LTBP1: variants seen among roughly 807,000 people sequenced by gnomAD.
LTBP1 encodes latent-transforming growth factor beta-binding protein 1.
Under a neutral mutation model 207.6 loss-of-function variants are expected in LTBP1, and 129 were observed. The observed-to-expected ratio is 0.62, with a 90% CI of 0.54 to 0.72. The LOEUF is 0.72. Among genes scored for constraint, LTBP1 ranks in the 30% least tolerant of loss-of-function variants. The probability of loss-of-function intolerance (pLI) is 0.00; values close to 1 mark genes in which losing one functional copy is unlikely to be tolerated. For synonymous variants in LTBP1, 963 were observed against 833.7 expected (o/e 1.16, Z -2.67); for missense variants, 2,281 against 2,217.2 (o/e 1.03, Z -0.58).
At chr2:33,202,786 C>T (rs2089462123) in intron 7 of LTBP1, among the ~76,000 whole-genome samples, 1 of 152,172 alleles carries the variant, frequency 6.6e-6, no homozygotes, top group South Asian at 2.1e-4. Context: ...TGGATAGGGC[C>T]CTCCCAGGTG....
chr2:33,100,567 A>G (rs922569161), intron 3 of LTBP1, among the ~76,000 whole-genome samples: 6 of 151,946 alleles, frequency 3.9e-5, no homozygotes, highest in Admixed American at 2.6e-4. Context: ...AAAACTTGCC[A>G]TCTTAACCAT....
intron 3 of LTBP1, among the ~76,000 whole-genome samples, chr2:33,049,704 T>C (rs1293709442): frequency 6.6e-6 from 1 of 152,174 alleles, no homozygotes; most frequent in Non-Finnish European, 1.5e-5. Flanking sequence ...GTATAGACAG[T>C]GTAGTTTTAG....
Position 32,969,559 on chromosome 2 carries a change from A to C in LTBP1, c.565+20614A>C, listed in dbSNP as rs113062414. 3.8e-3 allele frequency among the ~76,000 whole-genome samples: 575 copies of C among 152,272 alleles called. 3 individuals carry two copies. Among genetic ancestry groups the C allele is most frequent in the African/African-American group, 0.013 (557 of 41,552 alleles). Reference sequence around the variant, plus strand: ...CTGTTACTGTATTAGTTCACTTAGGATAATGGCCACCAGCTCCATCCATGT... The same window carrying C: ...CTGTTACTGTATTAGTTCACTTAGGCTAATGGCCACCAGCTCCATCCATGT... On this transcript the variant is annotated intron_variant, in intron 2 of 33. Coordinates refer to ENST00000404816, the MANE Select transcript of LTBP1 (RefSeq NM_206943.4).
At chr2:33,136,795 C>A (rs534423335) in intron 5 of LTBP1, among the ~76,000 whole-genome samples, 1 of 152,298 alleles carries the variant, frequency 6.6e-6, no homozygotes, top group South Asian at 2.1e-4. Flanking sequence ...CTTGCTGGCA[C>A]TGAACCAGAT....
chr2:33,142,853 GAATA>G (rs2082743676), intron 5 of LTBP1, among the ~76,000 whole-genome samples: 1 of 152,208 alleles, frequency 6.6e-6, no homozygotes, highest in Non-Finnish European at 1.5e-5. Context: ...GGCCAGCCTG[GAATA>G]AATAACCTTT....
At chr2:33,335,784 T>C (rs1350084268) in intron 24 of LTBP1, among the ~76,000 whole-genome samples, 1 of 152,182 alleles carries the variant, frequency 6.6e-6, no homozygotes, top group Non-Finnish European at 1.5e-5. Context: ...CGGCTTCCAT[T>C]CCTTTCAGAA....
chr2:33,246,725 A>G (rs1021274645), intron 10 of LTBP1, among the ~76,000 whole-genome samples: 8 of 152,146 alleles, frequency 5.3e-5, no homozygotes, highest in Non-Finnish European at 1.5e-5. Context: ...TCTTGAATGC[A>G]CTGAACTGAG....
intron 31 of LTBP1, among the ~76,000 whole-genome samples, chr2:33,370,356 C>A (rs2095052033): frequency 6.6e-6 from 1 of 152,164 alleles, no homozygotes; most frequent in African/African-American, 2.4e-5. Context: ...TAGACCACTG[C>A]TTCGTAAACA....
chr2:33,153,850 A>G (rs113196028), intron 5 of LTBP1, among the ~76,000 whole-genome samples: 2,291 of 142,988 alleles, frequency 0.016, 24 homozygotes, highest in East Asian at 0.028. Flanking sequence ...TGTGCCAGAG[A>G]TCCACCCGGC....
Position 32,959,619 on chromosome 2 carries a change from A to ATTTTTTTTTTT in LTBP1, c.565+10675_565+10676insTTTTTTTTTTT, listed in dbSNP as rs1378144146. On this transcript the variant is annotated intron_variant, in intron 2 of 33. Transcript: ENST00000404816. Reference sequence around the variant, plus strand: ...CGTGTATATATATATATATATATATATATTTTTTTTTTTTTTTTTGAGATG... The same window carrying ATTTTTTTTTTT: ...CGTGTATATATATATATATATATATATTTTTTTTTTTTATTTTTTTTTTTTTTTTTGAGATG... Among the ~76,000 whole-genome samples the ATTTTTTTTTTT allele has an allele frequency of 3.9e-3, 185 of 48,018 alleles. 4 individuals are homozygous for ATTTTTTTTTTT. Among genetic ancestry groups the ATTTTTTTTTTT allele is most frequent in the East Asian group, 8.3e-3 (5 of 604 alleles). The allele number at this position is 48,018 out of a possible 152,430, so 31.5% of individuals were successfully genotyped here.
intron 3 of LTBP1, among the ~76,000 whole-genome samples, chr2:33,035,819 C>A (rs2075892487): frequency 6.6e-6 from 1 of 152,054 alleles, no homozygotes; most frequent in Admixed American, 6.5e-5. Flanking sequence ...ATTTACAACA[C>A]ACATATTTTA....
intron 15 of LTBP1, among the ~76,000 whole-genome samples, chr2:33,267,157 C>T (rs906862489): frequency 6.6e-6 from 1 of 152,262 alleles, no homozygotes. Context: ...GTGCCAGCAC[C>T]TGGAGCTGCC....
intron 4 of LTBP1, among the ~76,000 whole-genome samples, chr2:33,115,625 G>A (rs1023776511): frequency 6.6e-6 from 1 of 152,188 alleles, no homozygotes; most frequent in Non-Finnish European, 1.5e-5. Flanking sequence ...TAGGGATGGT[G>A]TGGGGTAGGG....
chr2:33,301,881 G>T (rs937087821), intron 22 of LTBP1, among the ~76,000 whole-genome samples: 19 of 152,176 alleles, frequency 1.2e-4, no homozygotes, highest in African/African-American at 4.6e-4. Context: ...AGGCATAAAA[G>T]AATCAGTTTA....
At position 33,188,635 on chromosome 2, in the gene LTBP1, C is replaced by G. The variant is rs776461528; in HGVS notation, c.1485C>G (p.Val495=). The change falls in exon 7 of 34, where the codon GTC becomes GTG. Residue 495 remains valine, a synonymous_variant. Transcript: ENST00000404816. ...TGAAACATCCTCCTGAAGCTTCCGT[C>G]CAGATACATCAGGTTTCAAGAATTG... ...IHVKHPPEAS[V]QIHQVSRIDG... The G allele has an allele frequency of 1.2e-6, 2 of 1,614,072 alleles. No individual in the cohort carries two copies. The highest frequency in any genetic ancestry group is 1.7e-6 in the Non-Finnish European group (2 of 1,179,986).
chr2:33,271,942 A>C, intron 15 of LTBP1, among the ~76,000 whole-genome samples: 1 of 152,332 alleles, frequency 6.6e-6, no homozygotes, highest in East Asian at 1.9e-4. Context: ...TAATTTGATA[A>C]TATTTTCACT....
intron 5 of LTBP1, among the ~76,000 whole-genome samples, chr2:33,145,042 TAAAG>T (rs2082910820): frequency 1.3e-5 from 2 of 152,180 alleles, no homozygotes; most frequent in South Asian, 4.1e-4. Context: ...ATTTATATCA[TAAAG>T]AAAGAAAATA....
At chr2:33,349,846 G>A (rs1174145332) in intron 26 of LTBP1, among the ~76,000 whole-genome samples, 1 of 152,198 alleles carries the variant, frequency 6.6e-6, no homozygotes, top group African/African-American at 2.4e-5. Flanking sequence ...GACACAGAAT[G>A]TTTGAGTGTA....
At chr2:33,322,004 T>C (rs1161673757) in intron 24 of LTBP1, among the ~76,000 whole-genome samples, 2 of 152,222 alleles carry the variant, frequency 1.3e-5, no homozygotes, top group Non-Finnish European at 2.9e-5. Context: ...TGAGGAAATT[T>C]TTCTGGAATG....
Sources: allele counts gnomAD v4.1 joint callset (sites outside exome capture counted in the v4.1 genomes callset), GRCh38; gene constraint gnomAD v4.1.1; transcripts MANE v1.5; gene names NCBI Gene and HGNC (gene_info 2026-07-23, HGNC 2026-07-21).